The following TRAF2 variants were observed in gnomAD, a reference collection of about 807,000 sequenced individuals.
TRAF2 encodes TNF receptor associated factor 2.
Under a neutral mutation model 55.6 loss-of-function variants are expected in TRAF2, and 6 were observed. That is an observed-to-expected ratio of 0.11 (90% confidence interval 0.06 to 0.21). The LOEUF (loss-of-function observed/expected upper bound fraction) is 0.21. Among genes scored for constraint, TRAF2 ranks in the 10% least tolerant of loss-of-function variants. TRAF2 has a pLI of 1.00. For missense variants in TRAF2, 561 were observed against 684.5 expected (o/e 0.82, Z 2.01); for synonymous variants, 329 against 276.3 (o/e 1.19, Z -1.89).
chr9:136,900,390 AG>A (rs758916964), intron 3 of TRAF2, 31 bp from the exon 4 acceptor site: 72 of 1,497,128 alleles, frequency 4.8e-5, no homozygotes, highest in Non-Finnish European at 1.2e-5. Flanking sequence ...GTCTGGGAGG[AG>A]GTTTAACCCG....
chr9:136,900,387 AG>A, intron 3 of TRAF2, 34 bp from the exon 4 acceptor site: 1 of 1,483,924 alleles, frequency 6.7e-7, no homozygotes, highest in South Asian at 1.3e-5. Context: ...GGAGTCTGGG[AG>A]GAGGTTTAAC....
rs761671051 is a variant in TRAF2, at chr9:136,920,214, T to A, written c.679-20T>A. 1 of 1,594,710 alleles carries A rather than the reference T, an allele frequency of 6.3e-7. No individual in the cohort carries two copies. The highest frequency in any genetic ancestry group is 1.3e-5 in the African/African-American group (1 of 74,612). On this transcript the variant is annotated intron_variant, in intron 7 of 10. Coordinates refer to ENST00000247668, the MANE Select transcript of TRAF2 (RefSeq NM_021138.4). Reference sequence around the variant, plus strand: ...CGAATGGTGGATGGAGCCAGCAGCCTCCCTGCCCTGTGTCCGCAGGTAGAG... The same window carrying A: ...CGAATGGTGGATGGAGCCAGCAGCCACCCTGCCCTGTGTCCGCAGGTAGAG...
chr9:136,908,521 G>A (rs577783893), intron 5 of TRAF2, among the ~76,000 whole-genome samples: 8 of 152,268 alleles, frequency 5.3e-5, no homozygotes, highest in African/African-American at 1.9e-4. Context: ...CGGAGTTGAA[G>A]ACCAGCCTGG....
intron 1 of TRAF2, 129 bp downstream of exon 1, chr9:136,886,670 C>T: frequency 5.9e-5 from 2 of 34,034 alleles, no homozygotes; most frequent in Non-Finnish European, 1.1e-4. Flanking sequence ...GGAGCGGGGG[C>T]GGGAGAGGCC....
intron 6 of TRAF2, 72 bp downstream of exon 6, chr9:136,910,066 G>C (rs1850067117): frequency 6.7e-7 from 1 of 1,488,230 alleles, no homozygotes; most frequent in African/African-American, 1.4e-5. Context: ...TCCCGTGGGT[G>C]GGGGTGGGGC....
chr9:136,893,578 G>A (rs1849622651), intron 1 of TRAF2, among the ~76,000 whole-genome samples: 1 of 152,204 alleles, frequency 6.6e-6, no homozygotes, highest in African/African-American at 2.4e-5. Flanking sequence ...GGTCTGCAGG[G>A]TTGGCGCACC....
intron 10 of TRAF2, 81 bp from the exon 11 acceptor site, chr9:136,925,602 C>G: frequency 7.0e-7 from 1 of 1,431,488 alleles, no homozygotes; most frequent in Non-Finnish European, 9.6e-7. Flanking sequence ...TGCTGGTGGC[C>G]CTGCCAGTGT....
At chr9:136,887,374 C>T (rs1321341845) in intron 1 of TRAF2, among the ~76,000 whole-genome samples, 2 of 152,174 alleles carry the variant, frequency 1.3e-5, no homozygotes, top group Non-Finnish European at 1.5e-5. Flanking sequence ...TCTCGGGAGG[C>T]GGCCAGATGG....
chr9:136,912,151 C>CTTT (rs1468376221), intron 6 of TRAF2, among the ~76,000 whole-genome samples: 40 of 115,518 alleles, frequency 3.5e-4, no homozygotes, highest in African/African-American at 1.5e-3. Flanking sequence ...TGCGTCTGGC[C>CTTT]CTTTTTTTTT....
Position 136,920,297 on chromosome 9 carries a change from C to T in TRAF2, c.742C>T (p.Leu248=), listed in dbSNP as rs1051052549. ...GCTGCGGGAGCACCTGGCCATGCTACTGAGCTCGGTGCTGGAGGCAAAGCC... is the reference window on the plus strand; with the variant it reads ...GCTGCGGGAGCACCTGGCCATGCTATTGAGCTCGGTGCTGGAGGCAAAGCC... The part of the protein sequence containing the change: ...QWLREHLAML[L]SSVLEAKPLL... The change falls in exon 8 of 11, where the codon CTG becomes TTG. Residue 248 remains leucine (L), a synonymous_variant. Transcript: ENST00000247668. 5 of 1,613,860 alleles carry T rather than the reference C, an allele frequency of 3.1e-6. No homozygotes were observed. The highest frequency in any genetic ancestry group is 4.2e-6 in the Non-Finnish European group (5 of 1,180,036).
intron 1 of TRAF2, among the ~76,000 whole-genome samples, chr9:136,898,327 G>A (rs990062394): frequency 6.6e-6 from 1 of 152,212 alleles, no homozygotes; most frequent in Non-Finnish European, 1.5e-5. Context: ...GAACCATGGG[G>A]GAGACCAAAG....
rs780254124 is a variant in TRAF2, at chr9:136,915,770, T to C, written c.604-771T>C. On this transcript the variant is annotated intron_variant, in intron 6 of 10. Transcript: ENST00000247668. ...TGCTTCTCTTGCTGTTCATGACTCC[T>C]GCCCACTGAATAGTGTTTTTGGTTT... 2.6e-5 allele frequency among the ~76,000 whole-genome samples: 4 copies of C among 152,334 alleles called. No individual in the cohort carries two copies. The South Asian group carries it at 8.3e-4, about 32-fold the overall frequency.
At chr9:136,910,021 A>T (rs998769004) in intron 6 of TRAF2, 27 bp downstream of exon 6, 27 of 1,607,988 alleles carry the variant, frequency 1.7e-5, no homozygotes, top group Non-Finnish European at 2.3e-5. Context: ...TCCTTGGAGG[A>T]CCGCAGGGCG....
chr9:136,924,972 T>G (rs12555386), intron 10 of TRAF2, among the ~76,000 whole-genome samples: 5 of 152,098 alleles, frequency 3.3e-5, no homozygotes, highest in African/African-American at 4.8e-5. Flanking sequence ...CTCCTGACCT[T>G]GTGATCCGCC....
intron 7 of TRAF2, 111 bp from the exon 8 acceptor site, chr9:136,920,123 T>A: frequency 1.5e-6 from 2 of 1,360,092 alleles, no homozygotes; most frequent in Non-Finnish European, 1.9e-6. Flanking sequence ...TCCCTATCTA[T>A]GACCCTGGCC....
At chr9:136,910,586 G>A (rs553842692) in intron 6 of TRAF2, among the ~76,000 whole-genome samples, 1 of 152,338 alleles carries the variant, frequency 6.6e-6, no homozygotes, top group South Asian at 2.1e-4. Context: ...GAGGTGTGAG[G>A]GTAGCTCATC....
chr9:136,897,629 T>C (rs1588423259), intron 1 of TRAF2, among the ~76,000 whole-genome samples: 1 of 131,892 alleles, frequency 7.6e-6, no homozygotes, highest in South Asian at 2.6e-4. Context: ...GGGAGTGCAC[T>C]AGGCAGCCCC....
At chr9:136,899,082 G>C (rs888664708) in intron 2 of TRAF2, among the ~76,000 whole-genome samples, 154 bp downstream of exon 2, 1 of 152,250 alleles carries the variant, frequency 6.6e-6, no homozygotes, top group Non-Finnish European at 1.5e-5. Context: ...TTACCACAAA[G>C]AATGTAAAAT....
chr9:136,909,883 G>GCGTC (rs1261651641), intron 5 of TRAF2, 37 bp from the exon 6 acceptor site: 2 of 1,611,882 alleles, frequency 1.2e-6, no homozygotes, highest in East Asian at 2.2e-5. Flanking sequence ...CCTGGCATTG[G>GCGTC]CGTCCACCCT....
Sources: allele counts gnomAD v4.1 joint callset (sites outside exome capture counted in the v4.1 genomes callset), GRCh38; gene constraint gnomAD v4.1.1; transcripts MANE v1.5; gene names NCBI Gene and HGNC (gene_info 2026-07-23, HGNC 2026-07-21).